Variants in ANKS4B observed in about 807,000 individuals in gnomAD.
ANKS4B encodes ankyrin repeat and sterile alpha motif domain containing 4B, also known as ankyrin repeat and SAM domain-containing protein 4B.
A neutral mutation model predicts 20.2 loss-of-function variants in ANKS4B; 21 were observed. The ratio of observed to expected loss-of-function variants is 1.04; its 90% CI spans 0.74 to 1.50. The LOEUF (loss-of-function observed/expected upper bound fraction) is 1.50, where lower values mean the gene tolerates loss of function less well. Ranked by LOEUF, ANKS4B falls within the 40% of genes most tolerant of loss-of-function variation. The pLI is 0.00. For synonymous variants in ANKS4B, 179 were observed against 194.5 expected (o/e 0.92, Z 0.66); for missense variants, 473 against 494.6 (o/e 0.96, Z 0.41).
chr16:21,251,915 T>TG lies in ANKS4B; in HGVS notation c.*1097dup, dbSNP rs1459152235. 1 of 147,522 alleles carries TG rather than the reference T, an allele frequency of 6.8e-6. No homozygotes were observed. The highest frequency in any genetic ancestry group is 1.5e-5 in the Non-Finnish European group (1 of 67,760). The allele number at this position is 147,522 out of a possible 1,614,324, so 9.1% of individuals were successfully genotyped here. On this transcript the variant is annotated 3_prime_UTR_variant, in exon 2 of 2. Transcript: ENST00000311620. ...GAATGCAACCCTAATCCTGTAGGAC[T>TG]GGTGTCCTTTTTTTCCCTTTTTTTT...
chr16:21,242,388 A>G (rs1052966447), intron 1 of ANKS4B, among the ~76,000 whole-genome samples: 4 of 152,160 alleles, frequency 2.6e-5, no homozygotes, highest in African/African-American at 9.7e-5. Flanking sequence ...GGGTTTCACC[A>G]TGGTGGCCAG....
At position 21,249,829 on chromosome 16, in the gene ANKS4B, G is replaced by T; in HGVS notation, c.263G>T (p.Gly88Val). Residue 88 changes from glycine (G) to valine (V), a missense_variant, in exon 2 of 2, where the codon GGT (glycine) becomes GTT (valine). Gly to Val is a moderately radical substitution (Grantham distance 109). Coordinates refer to ENST00000311620, the MANE Select transcript of ANKS4B (RefSeq NM_145865.3). Reference protein sequence around the residue: ...AHCVSFLVNFGANIFALDNDL... With the variant: ...AHCVSFLVNFVANIFALDNDL... ...TGCGTCTCATTCCTGGTCAACTTTGGTGCCAACATCTTTGCCCTGGATAAT... is the reference window on the plus strand; with the variant it reads ...TGCGTCTCATTCCTGGTCAACTTTGTTGCCAACATCTTTGCCCTGGATAAT... The T allele has an allele frequency of 6.2e-7, 1 of 1,614,134 alleles. No individual in the cohort carries two copies. The highest frequency in any genetic ancestry group is 8.5e-7 in the Non-Finnish European group (1 of 1,180,044).
At position 21,249,781 on chromosome 16, in the gene ANKS4B, C is replaced by T. The variant is rs764763053; in HGVS notation, c.215C>T (p.Ala72Val). ...DIWGNTPLHF[A>V]ASNGHAHCVS... ...TGGGGAAACACTCCTCTACATTTTG[C>T]AGCCTCCAATGGCCATGCCCACTGC... Residue 72 changes from alanine (A) to valine (V), a missense_variant, in exon 2 of 2, where the codon GCA (alanine) becomes GTA (valine). Physicochemically the swap from Ala to Val is moderately conservative, Grantham distance 64. Transcript: ENST00000311620. 6.2e-7 allele frequency: 1 copy of T among 1,614,108 alleles called. No individual in the cohort carries two copies. Among genetic ancestry groups the T allele is most frequent in the South Asian group, 1.1e-5 (1 of 91,070 alleles).
chr16:21,237,679 C>G (rs899899082), intron 1 of ANKS4B, among the ~76,000 whole-genome samples: 1 of 152,052 alleles, frequency 6.6e-6, no homozygotes, highest in African/African-American at 2.4e-5. Context: ...CTTCATGACT[C>G]AATCGTCTCC....
intron 1 of ANKS4B, among the ~76,000 whole-genome samples, chr16:21,239,844 TG>T (rs1386460142): frequency 6.6e-6 from 1 of 152,136 alleles, no homozygotes; most frequent in African/African-American, 2.4e-5. Flanking sequence ...TACTGATAAG[TG>T]GGAGCTAAAT....
rs185989755 is a variant in ANKS4B at position 21,253,293 on chromosome 16, G to C, written c.*2473G>C. The C allele has an allele frequency of 2.2e-4, 34 of 152,278 alleles. No homozygotes were observed. The highest frequency in any genetic ancestry group is 7.0e-4 in the African/African-American group (29 of 41,550). The allele number at this position is 152,278 out of a possible 1,614,324, so 9.4% of individuals were successfully genotyped here. ...ATTCAAGTTTAGGGAGGATACAGAT[G>C]CTCAAATCTGATGAACAATTGGCTT... On this transcript the variant is annotated 3_prime_UTR_variant, in exon 2 of 2. Transcript: ENST00000311620.
At chr16:21,248,081 A>G (rs938562623) in intron 1 of ANKS4B, among the ~76,000 whole-genome samples, 7 of 152,090 alleles carry the variant, frequency 4.6e-5, no homozygotes, top group African/African-American at 1.7e-4. Context: ...ATGTGGCTCA[A>G]TTCGGGAGGG....
In ANKS4B at chr16:21,253,681, T is replaced by G. The variant is rs112714066; in HGVS notation, c.*2861T>G. 7.0e-4 allele frequency: 107 copies of G among 152,268 alleles called. No homozygotes were observed. The highest frequency in any genetic ancestry group is 2.6e-3 in the African/African-American group (106 of 41,564). The allele number at this position is 152,268 out of a possible 1,614,324, so 9.4% of individuals were successfully genotyped here. A position where few individuals can be genotyped will look rare whatever the true frequency, so the allele number is the denominator to read the frequency against. On this transcript the variant is annotated 3_prime_UTR_variant, in exon 2 of 2. Coordinates refer to ENST00000311620, the MANE Select transcript of ANKS4B (RefSeq NM_145865.3). ...GACTCTCATCCCTTTTTAGGAGATATTTGCCACTAGGGGTCTCATCAGGTA... is the reference window on the plus strand; with the variant it reads ...GACTCTCATCCCTTTTTAGGAGATAGTTGCCACTAGGGGTCTCATCAGGTA...
intron 1 of ANKS4B, among the ~76,000 whole-genome samples, chr16:21,242,205 T>G (rs904107430): frequency 6.6e-6 from 1 of 152,156 alleles, no homozygotes; most frequent in Non-Finnish European, 1.5e-5. Flanking sequence ...GACTTTTCTT[T>G]TAGACGGAGT....
intron 1 of ANKS4B, among the ~76,000 whole-genome samples, chr16:21,247,226 G>A (rs969555179): frequency 5.3e-5 from 8 of 151,976 alleles, no homozygotes; most frequent in South Asian, 2.1e-4. Flanking sequence ...CACCACGCCC[G>A]GCTAATTTTT....
intron 1 of ANKS4B, among the ~76,000 whole-genome samples, chr16:21,248,189 AT>A (rs1555461842): frequency 9.9e-5 from 15 of 151,530 alleles, no homozygotes; most frequent in Admixed American, 3.9e-4. Flanking sequence ...TTTTATTTTT[AT>A]TTTAAAAAAA....
intron 1 of ANKS4B, among the ~76,000 whole-genome samples, chr16:21,234,142 G>A (rs566979960): frequency 2.0e-5 from 3 of 152,214 alleles, no homozygotes; most frequent in South Asian, 2.1e-4. Flanking sequence ...CCTGAACTAC[G>A]GCATTATCTG....
chr16:21,234,569 G>C (rs2093317975), intron 1 of ANKS4B, among the ~76,000 whole-genome samples: 1 of 151,086 alleles, frequency 6.6e-6, no homozygotes, highest in South Asian at 2.1e-4. Context: ...TAGTTCCTCT[G>C]CTTGTTCTGC....
At chr16:21,243,357 C>T (rs1315803360) in intron 1 of ANKS4B, among the ~76,000 whole-genome samples, 3 of 152,090 alleles carry the variant, frequency 2.0e-5, no homozygotes, top group Non-Finnish European at 2.9e-5. Context: ...CCACGAAAAC[C>T]GTAGAGCATC....
intron 1 of ANKS4B, among the ~76,000 whole-genome samples, chr16:21,244,504 T>C (rs2093330112): frequency 6.6e-6 from 1 of 150,560 alleles, no homozygotes; most frequent in Non-Finnish European, 1.5e-5. Context: ...GACACCTTAG[T>C]GCCCTTCTGC....
At chr16:21,245,458 G>GTGAT (rs565252265) in intron 1 of ANKS4B, among the ~76,000 whole-genome samples, 1 of 150,052 alleles carries the variant, frequency 6.7e-6, no homozygotes, top group East Asian at 2.0e-4. Flanking sequence ...AAAACTGGAA[G>GTGAT]TGATTGATTG....
At chr16:21,234,881 ACT>A (rs1192661698) in intron 1 of ANKS4B, among the ~76,000 whole-genome samples, 1 of 151,934 alleles carries the variant, frequency 6.6e-6, no homozygotes, top group African/African-American at 2.4e-5. Context: ...ACAGGGTCTC[ACT>A]CTGTCACTCA....
At chr16:21,239,719 AG>A (rs758057504) in intron 1 of ANKS4B, among the ~76,000 whole-genome samples, 3 of 152,256 alleles carry the variant, frequency 2.0e-5, no homozygotes, top group Non-Finnish European at 4.4e-5. Context: ...AGCATGGAAT[AG>A]TATGCAGTCG....
In ANKS4B at chr16:21,250,518, G is replaced by T; in HGVS notation, c.952G>T (p.Glu318Ter). The T allele has an allele frequency of 6.2e-7, 1 of 1,614,212 alleles. No individual in the cohort carries two copies. Among genetic ancestry groups the T allele is most frequent in the African/African-American group, 1.3e-5 (1 of 75,052 alleles). The part of the protein sequence containing the change: ...ASEADEGAAD[E>*]EGEENGLKDD... ...AGAGGCTGATGAGGGTGCAGCTGATGAAGAGGGAGAGGAAAACGGCCTCAA... is the reference window on the plus strand; with the variant it reads ...AGAGGCTGATGAGGGTGCAGCTGATTAAGAGGGAGAGGAAAACGGCCTCAA... The change falls in exon 2 of 2, where the codon GAA (glutamate) becomes TAA (stop). Residue 318 changes from glutamate to a stop codon, truncating the protein, a stop_gained. Coordinates refer to ENST00000311620, the MANE Select transcript of ANKS4B (RefSeq NM_145865.3). LOFTEE classifies it high-confidence loss of function.
Sources: allele counts gnomAD v4.1 joint callset (sites outside exome capture counted in the v4.1 genomes callset), GRCh38; gene constraint gnomAD v4.1.1; transcripts MANE v1.5; gene names NCBI Gene and HGNC (gene_info 2026-07-23, HGNC 2026-07-21).